NDRG3: variants seen among roughly 807,000 people sequenced by gnomAD.
NDRG3 encodes the protein protein NDRG3.
NDRG3 carries 23 observed loss-of-function variants against 57.2 expected under a neutral mutation model. That is an observed-to-expected ratio of 0.40 (90% CI 0.29 to 0.57). NDRG3 has a LOEUF of 0.57. NDRG3 is among the 20% of genes least tolerant of loss of function. The pLI, the probability that NDRG3 is intolerant of heterozygous loss-of-function variation, is 0.42. For synonymous variants in NDRG3, 132 were observed against 162.6 expected (o/e 0.81, Z 1.43); for missense variants, 384 against 457.3 (o/e 0.84, Z 1.46).
At chr20:36,717,460 A>G (rs1296029024) in intron 2 of NDRG3, among the ~76,000 whole-genome samples, 1 of 152,240 alleles carries the variant, frequency 6.6e-6, no homozygotes, top group Non-Finnish European at 1.5e-5. Context: ...TTAAAGAGAC[A>G]GGGTAAGCCA....
At chr20:36,683,629 T>C (rs1039726057) in intron 6 of NDRG3, among the ~76,000 whole-genome samples, 1 of 147,874 alleles carries the variant, frequency 6.8e-6, no homozygotes, top group East Asian at 2.0e-4. Flanking sequence ...AACAAATAAA[T>C]AAATAAATAA....
rs532854933 is a variant in NDRG3 at position 36,732,258 on chromosome 20, G to A, written c.-48-10475C>T. On this transcript the variant is annotated intron_variant, in intron 1 of 15. Transcript: ENST00000349004. ...GATTAACAAGATCAGTGACTTTCAA[G>A]TTTTACAGCAAAACTCCGAAATAGA... 4.6e-3 allele frequency among the ~76,000 whole-genome samples: 704 copies of A among 152,328 alleles called. 5 individuals are homozygous for A. The highest frequency in any genetic ancestry group is 0.011 in the South Asian group (55 of 4,826).
chr20:36,679,504 A>ATTT (rs1317685294), intron 8 of NDRG3, among the ~76,000 whole-genome samples: 4 of 143,060 alleles, frequency 2.8e-5, no homozygotes, highest in Admixed American at 7.1e-5. Context: ...TTAAATTGCA[A>ATTT]TTTTTTTTTT....
At chr20:36,738,697 C>A (rs1043199624) in intron 1 of NDRG3, among the ~76,000 whole-genome samples, 10 of 151,082 alleles carry the variant, frequency 6.6e-5, no homozygotes, top group African/African-American at 2.4e-4. Flanking sequence ...GTGGCATGCA[C>A]CTGTAATCCC....
At chr20:36,672,878 T>C (rs1046978707) in intron 8 of NDRG3, among the ~76,000 whole-genome samples, 10 of 151,720 alleles carry the variant, frequency 6.6e-5, no homozygotes, top group Admixed American at 2.6e-4. Context: ...TAGGACACGA[T>C]TGATTGACAG....
chr20:36,693,106 ATATATATATATATATATATATAT>A (rs1179549900), intron 3 of NDRG3, among the ~76,000 whole-genome samples: 3 of 16,260 alleles, frequency 1.8e-4, no homozygotes, highest in African/African-American at 1.1e-3. Flanking sequence ...AAAAAAAAAA[ATATATATATATATATATATATAT>A]ATATATATAT....
At position 36,688,791 on chromosome 20, in the gene NDRG3, C is replaced by T. The variant is rs1982012865; in HGVS notation, c.94-7G>A. 7 of 1,604,052 alleles carry T rather than the reference C, an allele frequency of 4.4e-6. No homozygotes were observed. The African/African-American group carries it at 8.0e-5, about 18-fold the overall frequency. ...TTGTTTCTATATCATGTTCCTGTAA[C>T]AAGAGAATGTAAGTTCTCAGAAAAA... On this transcript the variant is annotated splice_polypyrimidine_tract_variant and splice_region_variant and intron_variant, in intron 3 of 15. Transcript: ENST00000349004.
chr20:36,726,498 C>A (rs1443222178), intron 1 of NDRG3, among the ~76,000 whole-genome samples: 1 of 152,138 alleles, frequency 6.6e-6, no homozygotes, highest in Non-Finnish European at 1.5e-5. Flanking sequence ...TGCCAATGAG[C>A]AGTTTTATAA....
At chr20:36,722,292 C>A (rs1383732661) in intron 1 of NDRG3, among the ~76,000 whole-genome samples, 1 of 152,118 alleles carries the variant, frequency 6.6e-6, no homozygotes, top group East Asian at 1.9e-4. Flanking sequence ...GCAGATCCTT[C>A]CCCAGCTGAG....
chr20:36,693,448 GCTAA>G (rs1332671884), intron 3 of NDRG3, among the ~76,000 whole-genome samples: 2 of 151,262 alleles, frequency 1.3e-5, no homozygotes, highest in Non-Finnish European at 2.9e-5. Context: ...AACATAAATA[GCTAA>G]CTAACACATA....
chr20:36,660,212 A>G, intron 13 of NDRG3, 125 bp downstream of exon 13: 1 of 762,806 alleles, frequency 1.3e-6, no homozygotes, highest in Non-Finnish European at 2.1e-6. Flanking sequence ...TGTCTCAAAG[A>G]AAAAGAAGAG....
At chr20:36,698,877 T>A (rs979533497) in intron 3 of NDRG3, among the ~76,000 whole-genome samples, 2 of 152,150 alleles carry the variant, frequency 1.3e-5, no homozygotes, top group African/African-American at 2.4e-5. Context: ...ATACCACTTA[T>A]GCCAATATTT....
Position 36,687,013 on chromosome 20 carries a change from C to T in NDRG3, c.320+479G>A, listed in dbSNP as rs114252930. ...ACGACCACAGGTGAACACCACCATG[C>T]CTGGCTGGCTAATTTTTCAATTTTT... On this transcript the variant is annotated intron_variant, in intron 5 of 15. Transcript: ENST00000349004. Among the ~76,000 whole-genome samples, 359 of 152,144 alleles carry T rather than the reference C, an allele frequency of 2.4e-3. 1 individual carries two copies. Among genetic ancestry groups the T allele is most frequent in the African/African-American group, 7.8e-3 (323 of 41,496 alleles).
At chr20:36,673,806 G>A (rs950894197) in intron 8 of NDRG3, among the ~76,000 whole-genome samples, 1 of 152,076 alleles carries the variant, frequency 6.6e-6, no homozygotes, top group African/African-American at 2.4e-5. Context: ...GAAAAGTTAA[G>A]TATATCTAAA....
intron 1 of NDRG3, among the ~76,000 whole-genome samples, chr20:36,741,175 C>A (rs986449636): frequency 6.6e-6 from 1 of 152,090 alleles, no homozygotes; most frequent in Non-Finnish European, 1.5e-5. Context: ...CTTCTGTCTT[C>A]ACTTCTTACC....
At chr20:36,679,073 C>T (rs980148246) in intron 8 of NDRG3, among the ~76,000 whole-genome samples, 1 of 152,212 alleles carries the variant, frequency 6.6e-6, no homozygotes, top group Non-Finnish European at 1.5e-5. Context: ...GCCTCAGCCT[C>T]CTGAGTAGCT....
At chr20:36,654,727 C>T (rs191179869) in intron 15 of NDRG3, 16 of 776,074 alleles carry the variant, frequency 2.1e-5, no homozygotes, top group Admixed American at 1.4e-4. Context: ...AGGAAGACCG[C>T]GGACATGCTG....
intron 2 of NDRG3, among the ~76,000 whole-genome samples, chr20:36,718,878 C>T (rs1238607374): frequency 6.6e-6 from 1 of 151,884 alleles, no homozygotes; most frequent in African/African-American, 2.4e-5. Flanking sequence ...ACAGGATCTC[C>T]CTTTGTTGCC....
chr20:36,717,756 C>A (rs1380967497), intron 2 of NDRG3, among the ~76,000 whole-genome samples: 1 of 152,208 alleles, frequency 6.6e-6, no homozygotes, highest in Non-Finnish European at 1.5e-5. Context: ...TACTTCTATG[C>A]AAATCTGAAG....
Sources: allele counts gnomAD v4.1 joint callset (sites outside exome capture counted in the v4.1 genomes callset), GRCh38; gene constraint gnomAD v4.1.1; transcripts MANE v1.5; gene names NCBI Gene and HGNC (gene_info 2026-07-23, HGNC 2026-07-21).